The following MTNAP1 variants were observed in gnomAD, a reference collection of about 807,000 sequenced individuals.
The protein encoded by MTNAP1 is mitochondrial nucleoid-associated protein 1.
the MTNAP1 span, chr17:73,237,117 C>A: frequency 9.9e-7 from 1 of 1,006,316 alleles, no homozygotes; most frequent in Non-Finnish European, 1.4e-6. Flanking sequence ...CCTAGGCATG[C>A]CAGTAGACTG....
At chr17:73,246,860 C>T in the MTNAP1 span, among the ~76,000 whole-genome samples, 3 of 152,236 alleles carry the variant, frequency 2.0e-5, no homozygotes, top group African/African-American at 7.2e-5. Context: ...TCTTCCCTGC[C>T]GAAAGAGCTT....
the MTNAP1 span, chr17:73,247,366 C>T: frequency 6.2e-7 from 1 of 1,612,100 alleles, no homozygotes; most frequent in Non-Finnish European, 8.5e-7. Context: ...TAGGAGAAGC[C>T]TTCGTGACTT....
the MTNAP1 span, chr17:73,236,696 A>T: frequency 1.2e-6 from 2 of 1,614,202 alleles, no homozygotes; most frequent in Non-Finnish European, 1.7e-6. Flanking sequence ...GCATTAATGG[A>T]GAGTCCCGAG....
chr17:73,242,599 C>A, the MTNAP1 span, among the ~76,000 whole-genome samples: 13 of 152,176 alleles, frequency 8.5e-5, no homozygotes, highest in Non-Finnish European at 1.5e-4. Flanking sequence ...CTTTCCCTTG[C>A]CCACATTGAT....
chr17:73,236,474 G>A, the MTNAP1 span: 8 of 1,614,208 alleles, frequency 5.0e-6, no homozygotes, highest in Admixed American at 5.0e-5. Flanking sequence ...ATGAGCCATG[G>A]CTGTGAGAAC....
the MTNAP1 span, chr17:73,235,653 A>G: frequency 4.9e-3 from 7,898 of 1,614,162 alleles, 332 homozygotes; most frequent in African/African-American, 0.092. Context: ...AGATGAAAGG[A>G]CCAATCAAAG....
the MTNAP1 span, among the ~76,000 whole-genome samples, chr17:73,246,367 C>CA: frequency 2.8e-4 from 42 of 149,408 alleles, no homozygotes; most frequent in East Asian, 1.6e-3. Context: ...TCCATCTCTA[C>CA]AAAAAAAAAA....
the MTNAP1 span, chr17:73,236,021 C>T: frequency 2.5e-6 from 4 of 1,614,102 alleles, no homozygotes; most frequent in Non-Finnish European, 2.5e-6. Context: ...TCAATAGAAC[C>T]TTCTTTGTCA....
chr17:73,240,476 A>AT, the MTNAP1 span, among the ~76,000 whole-genome samples: 1 of 152,376 alleles, frequency 6.6e-6, no homozygotes, highest in South Asian at 2.1e-4. Context: ...CTTCAAGGCC[A>AT]TATCAATCTA....
the MTNAP1 span, chr17:73,243,087 T>TTG: frequency 4.3e-6 from 4 of 928,968 alleles, no homozygotes; most frequent in Admixed American, 2.3e-5. Context: ...ATTTTTTTTT[T>TTG]TTTTTTTTTT....
the MTNAP1 span, chr17:73,243,014 C>G: frequency 1.9e-6 from 3 of 1,593,934 alleles, no homozygotes; most frequent in Non-Finnish European, 2.6e-6. Context: ...GTAAGTCTTT[C>G]TATATTTCTA....
chr17:73,246,825 A>G, the MTNAP1 span, among the ~76,000 whole-genome samples: 78,345 of 151,978 alleles, frequency 0.52, 20,278 homozygotes, highest in East Asian at 0.62. Context: ...AATATTACTA[A>G]GAACTTCATT....
the MTNAP1 span, chr17:73,235,343 A>G: frequency 4.3e-6 from 3 of 693,894 alleles, no homozygotes; most frequent in Non-Finnish European, 6.9e-6. Context: ...TATAATGACT[A>G]GTTGACTTGC....
the MTNAP1 span, chr17:73,236,908 G>A: frequency 3.1e-6 from 5 of 1,613,962 alleles, no homozygotes; most frequent in East Asian, 4.5e-5. Flanking sequence ...CCTTGGACTA[G>A]GGGTGTTGCC....
the MTNAP1 span, among the ~76,000 whole-genome samples, chr17:73,238,882 C>T: frequency 2.0e-5 from 3 of 152,058 alleles, no homozygotes; most frequent in Non-Finnish European, 4.4e-5. Flanking sequence ...AGAAAATACA[C>T]CATAACTAAA....
chr17:73,244,289 G>C, the MTNAP1 span, among the ~76,000 whole-genome samples: 15 of 152,114 alleles, frequency 9.9e-5, 2 homozygotes, highest in South Asian at 3.1e-3. Flanking sequence ...GGGGCCGGGC[G>C]CGGTGGCTCA....
chr17:73,236,904 A>T, the MTNAP1 span: 1 of 1,613,980 alleles, frequency 6.2e-7, no homozygotes, highest in Non-Finnish European at 8.5e-7. Context: ...GTTACCTTGG[A>T]CTAGGGGTGT....
the MTNAP1 span, chr17:73,242,146 T>C: frequency 1.6e-5 from 11 of 698,160 alleles, no homozygotes; most frequent in Admixed American, 3.2e-4. Context: ...TAGAATATGC[T>C]CTTCCTGAGG....
At chr17:73,243,078 T>TTA in the MTNAP1 span, 1 of 234,910 alleles carries the variant, frequency 4.3e-6, no homozygotes, top group Non-Finnish European at 6.2e-6. Flanking sequence ...ATTCTCTGAA[T>TTA]TTTTTTTTTT....
Sources: allele counts gnomAD v4.1 joint callset (sites outside exome capture counted in the v4.1 genomes callset), GRCh38; gene constraint gnomAD v4.1.1; transcripts MANE v1.5; gene names NCBI Gene and HGNC (gene_info 2026-07-23, HGNC 2026-07-21).